Variants in RBFOX1 observed in about 807,000 individuals in gnomAD.
RBFOX1 encodes the protein RNA binding fox-1 homolog 1, also known as RNA binding protein fox-1 homolog 1.
In RBFOX1, 8 loss-of-function variants were observed where a neutral mutation model predicts 57.7. The observed-to-expected ratio is 0.14, with a 90% CI of 0.08 to 0.25. The LOEUF (loss-of-function observed/expected upper bound fraction) is 0.25. Among genes scored for constraint, RBFOX1 ranks in the 10% least tolerant of loss-of-function variants. The pLI is 1.00. For synonymous variants in RBFOX1, 326 were observed against 222.4 expected (o/e 1.47, Z -4.15); for missense variants, 611 against 548.5 (o/e 1.11, Z -1.14).
intron 3 of RBFOX1, among the ~76,000 whole-genome samples, chr16:6,670,007 GTCTA>G (rs1267934167): frequency 1.3e-5 from 2 of 151,698 alleles, no homozygotes; most frequent in Admixed American, 6.6e-5. Flanking sequence ...ATCTCTGTCT[GTCTA>G]TCTATCTATC....
chr16:5,591,005 G>A (rs1361598594), intron 2 of RBFOX1, among the ~76,000 whole-genome samples: 1 of 151,558 alleles, frequency 6.6e-6, no homozygotes, highest in Non-Finnish European at 1.5e-5. Flanking sequence ...AGCATGTGAT[G>A]TGAGCTAAAC....
chr16:7,362,343 GTA>G (rs2097342657), intron 4 of RBFOX1, among the ~76,000 whole-genome samples: 1 of 150,518 alleles, frequency 6.6e-6, no homozygotes, highest in African/African-American at 2.5e-5. Context: ...GTATGTTAGT[GTA>G]TGTGTGTTTG....
chr16:6,129,758 A>G (rs1597589592), intron 1 of RBFOX1, among the ~76,000 whole-genome samples: 1 of 151,684 alleles, frequency 6.6e-6, no homozygotes, highest in South Asian at 2.1e-4. Flanking sequence ...AAAAAAAAAA[A>G]CCATAGATAA....
At chr16:5,407,935 G>A (rs982939149) in intron 1 of RBFOX1, among the ~76,000 whole-genome samples, 1 of 152,234 alleles carries the variant, frequency 6.6e-6, no homozygotes, top group African/African-American at 2.4e-5. Context: ...CAAGATCACT[G>A]CCCAGGACCC....
chr16:6,960,561 C>T (rs8046108), intron 3 of RBFOX1, among the ~76,000 whole-genome samples: 93,057 of 151,756 alleles, frequency 0.61, 28,660 homozygotes, highest in Non-Finnish European at 0.63. Flanking sequence ...TGTATCTGTT[C>T]CCCTGTGCCC....
chr16:6,392,183 C>T (rs4786865), intron 2 of RBFOX1, among the ~76,000 whole-genome samples: 77,335 of 152,050 alleles, frequency 0.51, 20,244 homozygotes, highest in South Asian at 0.71. Flanking sequence ...AAGACCGTTT[C>T]TAAAATTCGT....
chr16:5,331,567 C>A (rs552712404), intron 1 of RBFOX1, among the ~76,000 whole-genome samples: 1 of 152,352 alleles, frequency 6.6e-6, no homozygotes, highest in South Asian at 2.1e-4. Context: ...CTCTTTGAGC[C>A]TTTGCAGACA....
rs970410520 is a variant in RBFOX1, at chr16:6,481,139, G to A, written c.-64+164082G>A. On this transcript the variant is annotated intron_variant, in intron 2 of 15. Transcript: ENST00000550418. ...TCCCGAGAGACAATATCAGTTTACA[G>A]TGCTCATGGGAGACTCTACTGCCAT... is the stretch of plus-strand genomic sequence containing the variant. Among the ~76,000 whole-genome samples the A allele has an allele frequency of 5.9e-5, 9 of 152,156 alleles. 1 individual carries two copies. The East Asian group carries it at 1.7e-3, about 29-fold the overall frequency.
At chr16:6,483,202 G>A in intron 2 of RBFOX1, 1 of 1,194,260 alleles carries the variant, frequency 8.4e-7, no homozygotes, top group Non-Finnish European at 1.0e-6. Context: ...CAGAGGCCGA[G>A]GCCGGCCGGG....
At chr16:6,613,931 C>G (rs1429911362) in intron 2 of RBFOX1, among the ~76,000 whole-genome samples, 1 of 152,052 alleles carries the variant, frequency 6.6e-6, no homozygotes, top group Non-Finnish European at 1.5e-5. Flanking sequence ...GAGTGTGACT[C>G]AGTCTCCAAA....
chr16:5,971,541 T>C (rs1284672938), intron 4 of RBFOX1, among the ~76,000 whole-genome samples: 2 of 152,202 alleles, frequency 1.3e-5, no homozygotes, highest in Non-Finnish European at 2.9e-5. Context: ...AAGCAAATAA[T>C]TGGGGCAGCA....
chr16:6,118,623 CCTCCCTCT>C (rs990093261), intron 1 of RBFOX1, among the ~76,000 whole-genome samples: 1 of 150,538 alleles, frequency 6.6e-6, no homozygotes, highest in African/African-American at 2.4e-5. Flanking sequence ...TGCTCTCCTC[CCTCCCTCT>C]CTCCCTCTCT....
At chr16:6,123,874 G>A (rs1186208490) in intron 1 of RBFOX1, among the ~76,000 whole-genome samples, 1 of 152,112 alleles carries the variant, frequency 6.6e-6, no homozygotes, top group Non-Finnish European at 1.5e-5. Context: ...CACTGCCTGG[G>A]CAACAGAGCG....
chr16:6,467,530 T>G lies in RBFOX1; in HGVS notation c.-64+150473T>G, dbSNP rs1356045671. On this transcript the variant is annotated intron_variant, in intron 2 of 15. Transcript: ENST00000550418. ...GAAGTATACTATGCTGAGACAGGAG[T>G]TCTTAGCTGTAGAATAAAGAGAGCT... is the stretch of plus-strand genomic sequence containing the variant. 2.6e-5 allele frequency among the ~76,000 whole-genome samples: 4 copies of G among 152,092 alleles called. No homozygotes were observed. In the East Asian group the frequency reaches 7.7e-4, roughly 29 times the overall value.
rs78061137 is a variant in RBFOX1 at position 5,793,188 on chromosome 16, C to G, written c.319-74115C>G. On this transcript the variant is annotated intron_variant, in intron 3 of 19. Coordinates refer to the RBFOX1 transcript ENST00000641259. ...TTTCTCTAAACTTGCACTTCAGCCT[C>G]TGAGAAGTGCTTAGAGAGGCCAGGA... Among the ~76,000 whole-genome samples the G allele has an allele frequency of 4.2e-3, 644 of 152,318 alleles. 3 individuals are homozygous for G. Among genetic ancestry groups the G allele is most frequent in the African/African-American group, 0.014 (601 of 41,574 alleles).
At chr16:6,796,602 A>C (rs1403148660) in intron 3 of RBFOX1, among the ~76,000 whole-genome samples, 2 of 152,126 alleles carry the variant, frequency 1.3e-5, no homozygotes, top group Non-Finnish European at 2.9e-5. Flanking sequence ...TACCTATCCT[A>C]AACACTTTTC....
At chr16:5,256,175 G>A (rs2062586685) in intron 1 of RBFOX1, among the ~76,000 whole-genome samples, 1 of 152,200 alleles carries the variant, frequency 6.6e-6, no homozygotes. Flanking sequence ...TGGAGACTCA[G>A]AAAAAAGTTC....
intron 1 of RBFOX1, among the ~76,000 whole-genome samples, chr16:5,334,269 A>G (rs1349782034): frequency 1.3e-5 from 2 of 152,046 alleles, no homozygotes; most frequent in Non-Finnish European, 2.9e-5. Context: ...AGGGGTTTGG[A>G]ATGTTTCTGG....
At chr16:6,595,076 C>A (rs565965591) in intron 2 of RBFOX1, among the ~76,000 whole-genome samples, 1 of 152,124 alleles carries the variant, frequency 6.6e-6, no homozygotes, top group Non-Finnish European at 1.5e-5. Context: ...CATGAGCCAC[C>A]GCACCTGGCC....
Sources: allele counts gnomAD v4.1 joint callset (sites outside exome capture counted in the v4.1 genomes callset), GRCh38; gene constraint gnomAD v4.1.1; transcripts MANE v1.5; gene names NCBI Gene and HGNC (gene_info 2026-07-23, HGNC 2026-07-21).